The following FAM20A variants were observed in gnomAD, a reference collection of about 807,000 sequenced individuals.
FAM20A encodes the protein FAM20A golgi associated secretory pathway pseudokinase.
In FAM20A, 42 loss-of-function variants were observed where a neutral mutation model predicts 52.0. That is an observed-to-expected ratio of 0.81 (90% CI 0.63 to 1.04). FAM20A has a LOEUF of 1.04. FAM20A is among the 50% of genes least tolerant of loss of function. The probability of loss-of-function intolerance (pLI) is 0.00; values close to 1 mark genes in which losing one functional copy is unlikely to be tolerated. For synonymous variants in FAM20A, 304 were observed against 298.9 expected (o/e 1.02, Z -0.18); for missense variants, 742 against 712.7 (o/e 1.04, Z -0.47).
intron 1 of FAM20A, among the ~76,000 whole-genome samples, chr17:68,596,164 G>A (rs1450417073): frequency 1.3e-5 from 2 of 151,828 alleles, no homozygotes; most frequent in African/African-American, 4.8e-5. Flanking sequence ...TAGGTAGGAG[G>A]AGGGGTGAAG....
chr17:68,588,141 G>A (rs2088209947), intron 1 of FAM20A, among the ~76,000 whole-genome samples: 1 of 151,982 alleles, frequency 6.6e-6, no homozygotes, highest in South Asian at 2.1e-4. Flanking sequence ...AAAAAAAAGG[G>A]GGCCCAGAAG....
At chr17:68,541,128 T>C in intron 7 of FAM20A, 170 bp from the exon 8 acceptor site, 2 of 913,614 alleles carry the variant, frequency 2.2e-6, no homozygotes, top group Non-Finnish European at 3.2e-6. Context: ...TAAGGCTGCA[T>C]ATTCCGTGTG....
Position 68,555,558 on chromosome 17 carries a change from C to T in FAM20A, c.589+1G>A, listed in dbSNP as rs2087026093. Reference sequence around the variant, plus strand: ...CCCTTGCTTGATCCCATGAACCTTACCAGCACTGATGGTGGGAAAGTGCCT... The same window carrying T: ...CCCTTGCTTGATCCCATGAACCTTATCAGCACTGATGGTGGGAAAGTGCCT... On this transcript the variant is annotated splice_donor_variant, in intron 2 of 10. Coordinates refer to ENST00000592554, the MANE Select transcript of FAM20A (RefSeq NM_017565.4). LOFTEE classifies it high-confidence loss of function. 1 of 1,612,610 alleles carries T rather than the reference C, an allele frequency of 6.2e-7. No individual in the cohort carries two copies. The highest frequency in any genetic ancestry group is 8.5e-7 in the Non-Finnish European group (1 of 1,180,028).
At chr17:68,586,878 T>C (rs2088176293) in intron 1 of FAM20A, among the ~76,000 whole-genome samples, 1 of 152,124 alleles carries the variant, frequency 6.6e-6, no homozygotes, top group South Asian at 2.1e-4. Context: ...GTTCAAGACT[T>C]GACTTCCAAC....
rs1417706751 is a variant in FAM20A at position 68,540,881 on chromosome 17, A to G, written c.1187T>C (p.Val396Ala). 1.8e-5 allele frequency: 29 copies of G among 1,604,792 alleles called. No individual in the cohort carries two copies. Among genetic ancestry groups the G allele is most frequent in the Non-Finnish European group, 2.3e-5 (27 of 1,175,780 alleles). ...PYNNSQRLLN[V>A]IDMAIFDFLI... The stretch of plus-strand genomic sequence containing the variant: ...GAAGTCGAAGATGGCCATGTCGATG[A>G]CATTGAGGAGCCGCTGGCTGTTGTT... The change falls in exon 8 of 11, where the codon GTC becomes GCC. Residue 396 changes from valine to alanine, a missense_variant. Physicochemically the swap from Val to Ala is moderately conservative, Grantham distance 64 (BLOSUM62 0). Transcript: ENST00000592554.
In FAM20A at chr17:68,600,170, C is replaced by G; in HGVS notation, c.404+93G>C. ...GAGCCGTGGGTGGAGCCGCTGCAGC[C>G]CTGGGCCGGGGGCGTCAGGAAACTC... On this transcript the variant is annotated intron_variant, in intron 1 of 10. Transcript: ENST00000592554. The surrounding 1 kb of genome is among the most constrained non-coding windows in gnomAD (Gnocchi z 6.2). 1.4e-6 allele frequency: 2 copies of G among 1,439,504 alleles called. No homozygotes were observed. The highest frequency in any genetic ancestry group is 1.9e-6 in the Non-Finnish European group (2 of 1,073,652). 89.2% of individuals were successfully genotyped at this position (1,439,504 alleles called of 1,614,324 possible). A position where few individuals can be genotyped will look rare whatever the true frequency, so the allele number is the denominator to read the frequency against.
Position 68,600,135 on chromosome 17 carries a change from G to T in FAM20A, c.404+128C>A. 1 of 1,129,156 alleles carries T rather than the reference G, an allele frequency of 8.9e-7. No individual in the cohort carries two copies. The highest frequency in any genetic ancestry group is 1.2e-6 in the Non-Finnish European group (1 of 812,978). The allele number at this position is 1,129,156 out of a possible 1,614,324, so 69.9% of individuals were successfully genotyped here. Reference sequence around the variant, plus strand: ...GTGGGGAACACACTCTAAGCCCAGCGCCAGGGCTGGAGCCGTGGGTGGAGC... The same window carrying T: ...GTGGGGAACACACTCTAAGCCCAGCTCCAGGGCTGGAGCCGTGGGTGGAGC... On this transcript the variant is annotated intron_variant, in intron 1 of 10. Transcript: ENST00000592554. This position sits in a 1 kb window ranked among gnomAD's most constrained non-coding sequence, Gnocchi z 6.2.
rs1284354453 is a variant in FAM20A, at chr17:68,600,718, CCGGGAGGGGTCG to C, written c.-64_-53del. 1 of 1,516,792 alleles carries C rather than the reference CCGGGAGGGGTCG, an allele frequency of 6.6e-7. No homozygotes were observed. Among genetic ancestry groups the C allele is most frequent in the African/African-American group, 1.4e-5 (1 of 71,578 alleles). The allele number at this position is 1,516,792 out of a possible 1,614,324, so 94.0% of individuals were successfully genotyped here. ...GGGCAGGCCGGCTGTCTCCGGGGTC[CCGGGAGGGGTCG>C]CGGGGTGCGGGCAGAAGAGGTGCCT... On this transcript the variant is annotated 5_prime_UTR_variant, in exon 1 of 11. Coordinates refer to ENST00000592554, the MANE Select transcript of FAM20A (RefSeq NM_017565.4). The surrounding 1 kb of genome is among the most constrained non-coding windows in gnomAD (Gnocchi z 6.2).
At chr17:68,565,132 G>T (rs1355842784) in intron 1 of FAM20A, among the ~76,000 whole-genome samples, 4 of 151,112 alleles carry the variant, frequency 2.6e-5, no homozygotes, top group Non-Finnish European at 5.9e-5. Flanking sequence ...GGGGATTGAG[G>T]TCAGGCCCCT....
At chr17:68,542,926 G>A (rs1216032519) in intron 5 of FAM20A, 117 bp from the exon 6 acceptor site, 3 of 775,394 alleles carry the variant, frequency 3.9e-6, no homozygotes, top group Non-Finnish European at 6.8e-6. Context: ...AGGGTGGCCG[G>A]TGAGGCGTGA....
In FAM20A at chr17:68,536,430, A is replaced by T. The variant is rs1383680133; in HGVS notation, c.*1047T>A. The T allele has an allele frequency of 2.2e-6, 1 of 454,168 alleles. No homozygotes were observed. The highest frequency in any genetic ancestry group is 2.3e-5 in the Admixed American group (1 of 42,586). The allele number at this position is 454,168 out of a possible 1,614,324, so 28.1% of individuals were successfully genotyped here. On this transcript the variant is annotated 3_prime_UTR_variant, in exon 11 of 11. Coordinates refer to ENST00000592554, the MANE Select transcript of FAM20A (RefSeq NM_017565.4). Reference sequence around the variant, plus strand: ...TTAAAAGGAGTTTCAGATATCAACAAGTCAGGGAGAAGGTAGAGGAGACAA... The same window carrying T: ...TTAAAAGGAGTTTCAGATATCAACATGTCAGGGAGAAGGTAGAGGAGACAA...
intron 8 of FAM20A, 93 bp from the exon 9 acceptor site, chr17:68,540,059 T>C (rs912789480): frequency 3.4e-5 from 37 of 1,085,904 alleles, no homozygotes; most frequent in Non-Finnish European, 4.8e-5. Context: ...AGGCCTGTCA[T>C]CACTTGAGAG....
At chr17:68,591,842 A>G (rs918043873) in intron 1 of FAM20A, 3 of 152,224 alleles carry the variant, frequency 2.0e-5, no homozygotes, top group African/African-American at 7.2e-5. Flanking sequence ...TGAGGCGGGA[A>G]ATTTGCTAGC....
chr17:68,568,548 G>A (rs1166170079), intron 1 of FAM20A, among the ~76,000 whole-genome samples: 3 of 151,776 alleles, frequency 2.0e-5, no homozygotes, highest in Non-Finnish European at 4.4e-5. Flanking sequence ...CAGGAGGCCA[G>A]AAGTGCACAA....
At chr17:68,541,231 AAGG>A (rs1403687573) in intron 7 of FAM20A, 6 of 458,368 alleles carry the variant, frequency 1.3e-5, no homozygotes, top group Admixed American at 6.8e-5. Context: ...GCAGGCAGGA[AAGG>A]AGGAGGTAGT....
intron 9 of FAM20A, 68 bp from the exon 10 acceptor site, chr17:68,539,464 C>G: frequency 7.2e-7 from 1 of 1,386,916 alleles, no homozygotes. Flanking sequence ...GGCTTCCTCT[C>G]TCCTCTCAGC....
intron 1 of FAM20A, among the ~76,000 whole-genome samples, chr17:68,579,209 G>A (rs1454848058): frequency 6.6e-6 from 1 of 152,076 alleles, no homozygotes; most frequent in African/African-American, 2.4e-5. Flanking sequence ...GCTGGGGAAC[G>A]GTTAGGTGTG....
chr17:68,554,478 C>T (rs2086997317), intron 3 of FAM20A, among the ~76,000 whole-genome samples: 1 of 152,188 alleles, frequency 6.6e-6, no homozygotes, highest in Non-Finnish European at 1.5e-5. Context: ...TGAGGATTTT[C>T]TTAAGATTCA....
At chr17:68,554,915 T>A in intron 2 of FAM20A, 88 bp from the exon 3 acceptor site, 1 of 1,347,284 alleles carries the variant, frequency 7.4e-7, no homozygotes, top group Non-Finnish European at 1.1e-6. Flanking sequence ...CTGGTTCAGA[T>A]CACCAGAGGG....
Sources: gnomAD v4.1 joint callset for allele counts (sites outside exome capture counted in the v4.1 genomes callset) on GRCh38, gnomAD v4.1.1 for gene constraint, Gnocchi (gnomAD v3.1) non-coding constraint, MANE v1.5 for transcripts, NCBI Gene and HGNC (gene_info 2026-07-23, HGNC 2026-07-21) for gene names.